ARF1: variants seen among roughly 807,000 people sequenced by gnomAD.
The protein encoded by ARF1 is ARF GTPase 1.
Under a neutral mutation model 18.0 loss-of-function variants are expected in ARF1, and 1 was observed. The ratio of observed to expected loss-of-function variants is 0.06; its 90% CI spans 0.02 to 0.26. The LOEUF is 0.26. Among genes scored for constraint, ARF1 ranks in the 10% least tolerant of loss-of-function variants. ARF1 has a pLI of 1.00. For synonymous variants in ARF1, 112 were observed against 96.3 expected (o/e 1.16, Z -0.95); for missense variants, 73 against 247.2 (o/e 0.30, Z 4.73).
intron 1 of ARF1, among the ~76,000 whole-genome samples, chr1:228,094,424 A>G (rs1441687882): frequency 6.6e-6 from 1 of 152,100 alleles, no homozygotes; most frequent in Admixed American, 6.5e-5. Context: ...TCCTGGAGTA[A>G]CTCATAAAAG....
rs2032770311 is a variant in ARF1 at position 228,097,064 on chromosome 1, C to T, written c.-37-14C>T. On this transcript the variant is annotated splice_polypyrimidine_tract_variant and intron_variant, in intron 1 of 4. Coordinates refer to ENST00000272102, the MANE Select transcript of ARF1 (RefSeq NM_001658.4). The surrounding 1 kb of genome is among the most constrained non-coding windows in gnomAD (Gnocchi z 8.1). ...GCAGCACAGAACCAGACATGGAGCA[C>T]CTTGTCTCTCCAGGTGTCCCTGGCC... is the stretch of plus-strand genomic sequence containing the variant. 4 of 1,550,680 alleles carry T rather than the reference C, an allele frequency of 2.6e-6. No individual in the cohort carries two copies. Among genetic ancestry groups the T allele is most frequent in the South Asian group, 2.5e-5 (2 of 80,328 alleles).
At chr1:228,093,424 A>T (rs1242647181) in intron 1 of ARF1, among the ~76,000 whole-genome samples, 1 of 152,114 alleles carries the variant, frequency 6.6e-6, no homozygotes, top group African/African-American at 2.4e-5. Context: ...GGGATGCTGG[A>T]ACATGCCGAG....
chr1:228,097,246 C>T lies in ARF1; in HGVS notation c.132C>T (p.Thr44=), dbSNP rs368994066. The T allele has an allele frequency of 2.2e-5, 35 of 1,610,756 alleles. No individual in the cohort carries two copies. The highest frequency in any genetic ancestry group is 2.3e-5 in the Non-Finnish European group (27 of 1,178,084). The change falls in exon 2 of 5, where the codon ACC becomes ACT. Residue 44 remains threonine (T), a synonymous_variant. Coordinates refer to ENST00000272102, the MANE Select transcript of ARF1 (RefSeq NM_001658.4). This position sits in a 1 kb window ranked among gnomAD's most constrained non-coding sequence, Gnocchi z 8.1. ...LYKLKLGEIV[T]TIPTIGFNVE... The stretch of plus-strand genomic sequence containing the variant: ...AGCTTAAGCTGGGTGAGATCGTGAC[C>T]ACCATTCCCACCATAGGTGAGGTGG...
In ARF1 at chr1:228,098,256, T is replaced by A; in HGVS notation, c.*243T>A. 1 of 412,372 alleles carries A rather than the reference T, an allele frequency of 2.4e-6. No individual in the cohort carries two copies. The allele number at this position is 412,372 out of a possible 1,614,324, so 25.5% of individuals were successfully genotyped here. ...CAATATTACTCAGCTTTTTTTATTG[T>A]AAAAAGAAAAATCAACTCACTGTTC... On this transcript the variant is annotated 3_prime_UTR_variant, in exon 5 of 5. Coordinates refer to ENST00000272102, the MANE Select transcript of ARF1 (RefSeq NM_001658.4).
At chr1:228,086,339 C>T (rs1571834959) in intron 1 of ARF1, among the ~76,000 whole-genome samples, 1 of 151,840 alleles carries the variant, frequency 6.6e-6, no homozygotes, top group Non-Finnish European at 1.5e-5. Flanking sequence ...CATGGTGATA[C>T]CCCGACTCTA....
Position 228,089,828 on chromosome 1 carries a change from G to A in ARF1, c.-38+7063G>A, listed in dbSNP as rs965881257. ...CCCACACAATGGTGGGCCTATGTTCGTCCAGAACAGTGCCTGGCAGTAGCT... is the reference window on the plus strand; with the variant it reads ...CCCACACAATGGTGGGCCTATGTTCATCCAGAACAGTGCCTGGCAGTAGCT... On this transcript the variant is annotated intron_variant, in intron 1 of 4. Coordinates refer to ENST00000272102, the MANE Select transcript of ARF1 (RefSeq NM_001658.4). The surrounding 1 kb of genome is among the most constrained non-coding windows in gnomAD (Gnocchi z 4.1). Among the ~76,000 whole-genome samples, 19 of 151,998 alleles carry A rather than the reference G, an allele frequency of 1.3e-4. 1 individual carries two copies. Among genetic ancestry groups the A allele is most frequent in the African/African-American group, 4.1e-4 (17 of 41,366 alleles).
chr1:228,095,672 C>T (rs189174790), intron 1 of ARF1, among the ~76,000 whole-genome samples: 17 of 152,326 alleles, frequency 1.1e-4, no homozygotes, highest in Admixed American at 4.6e-4. Flanking sequence ...GGGTCCCAGG[C>T]GGTCCAGTTT....
intron 1 of ARF1, among the ~76,000 whole-genome samples, chr1:228,093,211 C>T (rs2032626517): frequency 6.6e-6 from 1 of 152,054 alleles, no homozygotes; most frequent in African/African-American, 2.4e-5. Flanking sequence ...CGGGTTTTGG[C>T]TTGTGTGCAG....
chr1:228,094,733 G>A (rs2032685069), intron 1 of ARF1, among the ~76,000 whole-genome samples: 1 of 152,174 alleles, frequency 6.6e-6, no homozygotes, highest in South Asian at 2.1e-4. Flanking sequence ...CTGAGGCCCT[G>A]CAGTTTGGGA....
chr1:228,083,004 C>G (rs1220753486), intron 1 of ARF1: 1 of 152,278 alleles, frequency 6.6e-6, no homozygotes, highest in Non-Finnish European at 1.5e-5. Flanking sequence ...CTCACAGGTT[C>G]CCGAAGTCGC....
chr1:228,089,787 C>T lies in ARF1; in HGVS notation c.-38+7022C>T, dbSNP rs1366010814. On this transcript the variant is annotated intron_variant, in intron 1 of 4. Transcript: ENST00000272102. The surrounding 1 kb of genome is among the most constrained non-coding windows in gnomAD (Gnocchi z 4.1). ...GTGGTGTAGAAAGGGGCCTTCAGGG[C>T]CCTGGATCCCCCAGCCCCACACAAT... Among the ~76,000 whole-genome samples the T allele has an allele frequency of 6.6e-6, 1 of 152,056 alleles. No homozygotes were observed. Among genetic ancestry groups the T allele is most frequent in the Admixed American group, 6.5e-5 (1 of 15,268 alleles).
chr1:228,087,834 C>T (rs1291886900), intron 1 of ARF1, among the ~76,000 whole-genome samples: 8 of 152,294 alleles, frequency 5.3e-5, no homozygotes, highest in Admixed American at 4.6e-4. Context: ...TTCAGACTGA[C>T]CCACACATGA....
chr1:228,090,996 A>G (rs537836021), intron 1 of ARF1: 1 of 152,366 alleles, frequency 6.6e-6, no homozygotes, highest in South Asian at 2.1e-4. Flanking sequence ...AGATTTCAGA[A>G]GGACTTACGT....
At chr1:228,095,594 C>T (rs888909627) in intron 1 of ARF1, among the ~76,000 whole-genome samples, 7 of 152,228 alleles carry the variant, frequency 4.6e-5, no homozygotes, top group African/African-American at 1.4e-4. Context: ...GACAATTCTT[C>T]TTCCATTGTG....
rs762388073 is a variant in ARF1 at position 228,097,720 on chromosome 1, G to A, written c.384+5G>A. The A allele has an allele frequency of 6.2e-7, 1 of 1,604,904 alleles. No individual in the cohort carries two copies. The highest frequency in any genetic ancestry group is 8.5e-7 in the Non-Finnish European group (1 of 1,174,718). ...CTGGTGTTCGCCAACAAGCAGGTAGGCGCCCGGGCCAGCCTGGGGAATGTG... is the reference window on the plus strand; with the variant it reads ...CTGGTGTTCGCCAACAAGCAGGTAGACGCCCGGGCCAGCCTGGGGAATGTG... On this transcript the variant is annotated splice_donor_5th_base_variant and intron_variant, in intron 4 of 4. Coordinates refer to ENST00000272102, the MANE Select transcript of ARF1 (RefSeq NM_001658.4). This position sits in a 1 kb window ranked among gnomAD's most constrained non-coding sequence, Gnocchi z 8.1.
chr1:228,086,477 C>T (rs1031732327), intron 1 of ARF1, among the ~76,000 whole-genome samples: 3 of 151,164 alleles, frequency 2.0e-5, no homozygotes, highest in African/African-American at 4.9e-5. Context: ...GATCGCGCCA[C>T]TGCACTCCAG....
intron 1 of ARF1, among the ~76,000 whole-genome samples, chr1:228,093,373 G>A (rs2032631154): frequency 6.6e-6 from 1 of 152,158 alleles, no homozygotes; most frequent in Non-Finnish European, 1.5e-5. Flanking sequence ...TGTCACAGAA[G>A]CAGTAAATGA....
At position 228,097,478 on chromosome 1, in the gene ARF1, G is replaced by C. The variant is rs1228386088; in HGVS notation, c.259+26G>C. On this transcript the variant is annotated intron_variant, in intron 3 of 4. Transcript: ENST00000272102. The surrounding 1 kb of genome is among the most constrained non-coding windows in gnomAD (Gnocchi z 8.1). ...GTAAGTGGCTGGGGCCTGGTCCCAT[G>C]GGCACTCCTGCTTCTAGAGAGGGGG... 6.2e-7 allele frequency: 1 copy of C among 1,613,666 alleles called. No individual in the cohort carries two copies. The highest frequency in any genetic ancestry group is 2.2e-5 in the East Asian group (1 of 44,864).
At chr1:228,086,560 T>A (rs2032409381) in intron 1 of ARF1, among the ~76,000 whole-genome samples, 1 of 151,356 alleles carries the variant, frequency 6.6e-6, no homozygotes, top group Non-Finnish European at 1.5e-5. Flanking sequence ...AAATTCCTTG[T>A]TGATGGGAAA....
Sources: gnomAD v4.1 joint callset for allele counts (sites outside exome capture counted in the v4.1 genomes callset) on GRCh38, gnomAD v4.1.1 for gene constraint, Gnocchi (gnomAD v3.1) non-coding constraint, MANE v1.5 for transcripts, NCBI Gene and HGNC (gene_info 2026-07-23, HGNC 2026-07-21) for gene names.